Variants in C6 observed in about 807,000 individuals in gnomAD.
C6 encodes complement C6.
A neutral mutation model predicts 112.9 loss-of-function variants in C6; 101 were observed. The ratio of observed to expected loss-of-function variants is 0.89; its 90% CI spans 0.76 to 1.06. C6 has a LOEUF of 1.06. Among genes scored for constraint, C6 ranks in the 50% least tolerant of loss-of-function variants. The pLI, the probability that C6 is intolerant of heterozygous loss-of-function variation, is 0.00. For missense variants in C6, 1,202 were observed against 1,104.6 expected, an observed-to-expected ratio of 1.09 and a Z score of -1.25; for synonymous variants, 431 against 384.1, an observed-to-expected ratio of 1.12 and a Z score of -1.43.
At chr5:41,192,913 A>G (rs576633893) in intron 5 of C6, among the ~76,000 whole-genome samples, 1 of 152,272 alleles carries the variant, frequency 6.6e-6, no homozygotes, top group South Asian at 2.1e-4. Context: ...AATATGTACA[A>G]AGGTTTTACT....
At chr5:41,162,841 C>A (rs974221804) in intron 9 of C6, among the ~76,000 whole-genome samples, 1 of 152,034 alleles carries the variant, frequency 6.6e-6, no homozygotes, top group Non-Finnish European at 1.5e-5. Context: ...TAAGGCGTAA[C>A]AAAACAAAGG....
Position 41,151,105 on chromosome 5 carries a change from C to T in C6, c.2291-1080G>A, listed in dbSNP as rs1490443124. ...AGGTTTTAAGCAGGGAGTGGTGTAA[C>T]AAAATCAGCCCTCGATTTTGAAAAA... On this transcript the variant is annotated intron_variant, in intron 15 of 17. Transcript: ENST00000337836. Among the ~76,000 whole-genome samples, 4 of 152,002 alleles carry T rather than the reference C, an allele frequency of 2.6e-5. No individual in the cohort carries two copies. The East Asian group carries it at 7.7e-4, about 29-fold the overall frequency.
intron 15 of C6, among the ~76,000 whole-genome samples, chr5:41,151,276 A>G (rs1056447052): frequency 6.6e-6 from 1 of 152,190 alleles, no homozygotes; most frequent in African/African-American, 2.4e-5. Context: ...AGAGGTGGAA[A>G]TGGAGAAAAG....
At position 41,150,016 on chromosome 5, in the gene C6, G is replaced by A; in HGVS notation, c.2300C>T (p.Thr767Ile). 2 of 1,608,768 alleles carry A rather than the reference G, an allele frequency of 1.2e-6. No individual in the cohort carries two copies. Residue 767 changes from threonine (T) to isoleucine (I), a missense_variant, in exon 16 of 18, where the codon ACA becomes ATA. By Grantham distance (89) the Thr-to-Ile change is moderately conservative (BLOSUM62 -1). Transcript: ENST00000337836. ...CAGCTGACAATGGCCTTTTAATTTT[G>A]TTAGAGTATCTGAAACAAAAGAAAA... ...NSLTCEKDTL[T>I]KLKGHCQLGQ...
chr5:41,150,188 C>A (rs1394441772), intron 15 of C6, among the ~76,000 whole-genome samples, 163 bp from the exon 16 acceptor site: 1 of 152,310 alleles, frequency 6.6e-6, no homozygotes, highest in East Asian at 1.9e-4. Context: ...AATATTCCAC[C>A]TGAAAGGTCC....
At chr5:41,150,555 T>C (rs1246668373) in intron 15 of C6, among the ~76,000 whole-genome samples, 1 of 152,134 alleles carries the variant, frequency 6.6e-6, no homozygotes, top group African/African-American at 2.4e-5. Flanking sequence ...AAGGTGAGGC[T>C]GTTCAATACA....
In C6 at chr5:41,158,656, G is replaced by A; in HGVS notation, c.1968+18C>T. On this transcript the variant is annotated intron_variant, in intron 13 of 17. Coordinates refer to ENST00000337836, the MANE Select transcript of C6 (RefSeq NM_000065.5). ...GTTTTTAAAACTACAAACCAAAAGT[G>A]AGGTTTAGGATGCTGACCCGGATAA... 7.1e-7 allele frequency: 1 copy of A among 1,404,432 alleles called. No homozygotes were observed. Among genetic ancestry groups the A allele is most frequent in the Non-Finnish European group, 1.0e-6 (1 of 988,642 alleles). The allele number at this position is 1,404,432 out of a possible 1,614,324, so 87.0% of individuals were successfully genotyped here.
At chr5:41,164,171 G>T (rs961719583) in intron 9 of C6, among the ~76,000 whole-genome samples, 4 of 151,960 alleles carry the variant, frequency 2.6e-5, no homozygotes, top group African/African-American at 9.7e-5. Context: ...AAATTAAAAA[G>T]ACCAATAAAA....
chr5:41,257,929 C>T (rs1741819900), intron 1 of C6, among the ~76,000 whole-genome samples: 1 of 152,014 alleles, frequency 6.6e-6, no homozygotes, highest in Non-Finnish European at 1.5e-5. Context: ...ATAAGCTTAA[C>T]AACCATCAGC....
chr5:41,160,217 T>A lies in C6; in HGVS notation c.1609A>T (p.Thr537Ser). 6.2e-7 allele frequency: 1 copy of A among 1,613,888 alleles called. No individual in the cohort carries two copies. The highest frequency in any genetic ancestry group is 8.5e-7 in the Non-Finnish European group (1 of 1,179,844). Reference sequence around the variant, plus strand: ...CTCTGACACACACACAGACATTCAGTCCCTGAGAGGGTGGGTCGGCCATTA... The same window carrying A: ...CTCTGACACACACACAGACATTCAGACCCTGAGAGGGTGGGTCGGCCATTA... The part of the protein sequence containing the change: ...PNNGRPTLSG[T>S]ECLCVCQSGT... Residue 537 changes from threonine (T) to serine (S), a missense_variant, in exon 11 of 18, where the codon ACT (threonine) becomes TCT (serine). Thr to Ser is a moderately conservative substitution (Grantham distance 58, BLOSUM62 1). Coordinates refer to ENST00000337836, the MANE Select transcript of C6 (RefSeq NM_000065.5).
At chr5:41,193,795 ATT>A (rs11460725) in intron 5 of C6, among the ~76,000 whole-genome samples, 121 of 137,358 alleles carry the variant, frequency 8.8e-4, no homozygotes, top group Middle Eastern at 3.7e-3. Flanking sequence ...TCAGGAAGCT[ATT>A]TTTTTTTTTT....
At chr5:41,152,234 A>G (rs1353513898) in intron 15 of C6, among the ~76,000 whole-genome samples, 2 of 152,124 alleles carry the variant, frequency 1.3e-5, no homozygotes, top group Non-Finnish European at 2.9e-5. Context: ...AGGAAATTAC[A>G]CTTGAACCAA....
chr5:41,161,588 C>A (rs977580599), intron 10 of C6, 105 bp downstream of exon 10: 3 of 956,988 alleles, frequency 3.1e-6, no homozygotes, highest in Admixed American at 1.7e-5. Flanking sequence ...AAAGGCATTT[C>A]TTTCATTGTC....
At chr5:41,247,339 G>C (rs1241332832) in intron 1 of C6, among the ~76,000 whole-genome samples, 2 of 151,960 alleles carry the variant, frequency 1.3e-5, no homozygotes, top group African/African-American at 4.8e-5. Context: ...TAAAATTTTA[G>C]GGTACAAAAC....
At position 41,195,791 on chromosome 5, in the gene C6, C is replaced by A. The variant is rs777800754; in HGVS notation, c.587+1G>T. 1 of 1,613,442 alleles carries A rather than the reference C, an allele frequency of 6.2e-7. No individual in the cohort carries two copies. Among genetic ancestry groups the A allele is most frequent in the Non-Finnish European group, 8.5e-7 (1 of 1,179,802 alleles). ...CAAGATGATAAAAAGATGTTACATACCCATTGCCCATCAACTGTACACTAG... is the reference window on the plus strand; with the variant it reads ...CAAGATGATAAAAAGATGTTACATAACCATTGCCCATCAACTGTACACTAG... On this transcript the variant is annotated splice_donor_variant, in intron 5 of 17. Transcript: ENST00000337836. LOFTEE classifies it high-confidence loss of function.
intron 17 of C6, among the ~76,000 whole-genome samples, chr5:41,143,467 T>C (rs1745534546): frequency 6.6e-6 from 1 of 152,250 alleles, no homozygotes; most frequent in African/African-American, 2.4e-5. Context: ...TATTTTTATT[T>C]TTAACATTGG....
At chr5:41,211,134 A>G (rs1751884492) in intron 1 of C6, among the ~76,000 whole-genome samples, 1 of 152,174 alleles carries the variant, frequency 6.6e-6, no homozygotes, top group African/African-American at 2.4e-5. Context: ...AACTATCACA[A>G]GGACAGAAAA....
chr5:41,195,212 T>C (rs1750515922), intron 5 of C6, among the ~76,000 whole-genome samples: 1 of 152,238 alleles, frequency 6.6e-6, no homozygotes, highest in Admixed American at 6.5e-5. Flanking sequence ...TCTTACGTTT[T>C]CACACCCTTG....
intron 1 of C6, among the ~76,000 whole-genome samples, chr5:41,224,063 T>C (rs531552927): frequency 2.0e-5 from 3 of 152,190 alleles, no homozygotes; most frequent in African/African-American, 7.2e-5. Context: ...AAATTGTACA[T>C]GTTTGTCTAT....
Sources: allele counts gnomAD v4.1 joint callset (sites outside exome capture counted in the v4.1 genomes callset), GRCh38; gene constraint gnomAD v4.1.1; transcripts MANE v1.5; gene names NCBI Gene and HGNC (gene_info 2026-07-23, HGNC 2026-07-21).